Variants in UBXN1 observed in about 807,000 individuals in gnomAD.
UBXN1 encodes UBX domain protein 1.
In UBXN1, 21 loss-of-function variants were observed where a neutral mutation model predicts 42.0. The ratio of observed to expected loss-of-function variants is 0.50; its 90% CI spans 0.35 to 0.72. The LOEUF is 0.72. UBXN1 is among the 30% of genes least tolerant of loss of function. The pLI is 0.00. For synonymous variants in UBXN1, 172 were observed against 142.6 expected, an observed-to-expected ratio of 1.21 and a Z score of -1.47; for missense variants, 374 against 382.2, an observed-to-expected ratio of 0.98 and a Z score of 0.18.
chr11:62,678,860 CT>C lies in UBXN1; in HGVS notation c.59+4del. ...CCGCAGGCCGGGGTTGGGGAACTCC[CT>C]TACGCGCGTCCCCTGGGGAAGCCCA... On this transcript the variant is annotated splice_donor_region_variant and intron_variant, in intron 1 of 8. Transcript: ENST00000301935. 6.2e-7 allele frequency: 1 copy of C among 1,606,256 alleles called. No individual in the cohort carries two copies. The highest frequency in any genetic ancestry group is 8.5e-7 in the Non-Finnish European group (1 of 1,177,856).
rs1039544179 is a variant in UBXN1 at position 62,677,917 on chromosome 11, C to T, written c.482+10G>A. 3.7e-6 allele frequency: 6 copies of T among 1,613,848 alleles called. No homozygotes were observed. The Admixed American group carries it at 1.0e-4, about 27-fold the overall frequency. On this transcript the variant is annotated intron_variant, in intron 5 of 8. Transcript: ENST00000301935. The stretch of plus-strand genomic sequence containing the variant: ...TCTCATCTGCTATCCATCATTTCCC[C>T]TGCCCAGACCTGGCTGCTAACTCCT...
intron 4 of UBXN1, 88 bp downstream of exon 4, chr11:62,678,251 T>G (rs768930944): frequency 1.2e-4 from 185 of 1,605,088 alleles, no homozygotes; most frequent in Non-Finnish European, 1.5e-4. Context: ...AAAGAGGAAA[T>G]GTGGAAAGGT....
At position 62,676,800 on chromosome 11, in the gene UBXN1, C is replaced by A; in HGVS notation, c.844+13G>T. On this transcript the variant is annotated intron_variant, in intron 8 of 8. Coordinates refer to ENST00000301935, the MANE Select transcript of UBXN1 (RefSeq NM_001286077.2). Reference sequence around the variant, plus strand: ...CCAGTTTCTAGTCCTGGTTTCTAGTCTTGCAGCCATACCCAGCTCCTGCAG... The same window carrying A: ...CCAGTTTCTAGTCCTGGTTTCTAGTATTGCAGCCATACCCAGCTCCTGCAG... 6.2e-7 allele frequency: 1 copy of A among 1,614,186 alleles called. No homozygotes were observed. Among genetic ancestry groups the A allele is most frequent in the Non-Finnish European group, 8.5e-7 (1 of 1,180,032 alleles).
At position 62,677,562 on chromosome 11, in the gene UBXN1, G is replaced by T. The variant is rs772638165; in HGVS notation, c.607C>A (p.Gln203Lys). 5 of 1,614,172 alleles carry T rather than the reference G, an allele frequency of 3.1e-6. No homozygotes were observed. The highest frequency in any genetic ancestry group is 1.7e-5 in the Admixed American group (1 of 60,008). The change falls in exon 7 of 9, where the codon CAG (glutamine) becomes AAG (lysine). Residue 203 changes from glutamine to lysine, a missense_variant. Coordinates refer to ENST00000301935, the MANE Select transcript of UBXN1 (RefSeq NM_001286077.2). ...EPGPVPSSPS[Q>K]EPPTKREYDQ... Reference sequence around the variant, plus strand: ...TACTCCCGCTTGGTGGGAGGCTCCTGGCTGGGAGAAGAGGGAACAGGACCT... The same window carrying T: ...TACTCCCGCTTGGTGGGAGGCTCCTTGCTGGGAGAAGAGGGAACAGGACCT...
chr11:62,678,383 G>T lies in UBXN1; in HGVS notation c.246C>A (p.Gly82=), dbSNP rs1299089055. 1 of 1,614,130 alleles carries T rather than the reference G, an allele frequency of 6.2e-7. No individual in the cohort carries two copies. Among genetic ancestry groups the T allele is most frequent in the Admixed American group, 1.7e-5 (1 of 60,006 alleles). ...TTTCCTCTTCACTCAAAGCGGGTTT[G>T]CCTTCTCCGGCAGCAGAACCAGATC... is the stretch of plus-strand genomic sequence containing the variant. ...LEGSGSAAGE[G]KPALSEEERQ... The change falls in exon 4 of 9, where the codon GGC becomes GGA. Residue 82 remains glycine (G), a synonymous_variant. Coordinates refer to ENST00000301935, the MANE Select transcript of UBXN1 (RefSeq NM_001286077.2).
At chr11:62,677,325 G>T in intron 7 of UBXN1, 193 bp downstream of exon 7, 1 of 661,964 alleles carries the variant, frequency 1.5e-6, no homozygotes, top group Non-Finnish European at 2.6e-6. Context: ...TAAGAGAGAG[G>T]TATGGGTTTA....
chr11:62,678,829 C>G, intron 1 of UBXN1, 36 bp downstream of exon 1: 1 of 1,609,180 alleles, frequency 6.2e-7, no homozygotes, highest in Non-Finnish European at 8.5e-7. Context: ...CCGCGACCCC[C>G]CACACCCGCA....
intron 4 of UBXN1, 86 bp downstream of exon 4, chr11:62,678,253 T>A (rs925694985): frequency 2.5e-6 from 4 of 1,606,124 alleles, no homozygotes; most frequent in Non-Finnish European, 3.4e-6. Flanking sequence ...AGAGGAAATG[T>A]GGAAAGGTCA....
Position 62,678,305 on chromosome 11 carries a change from G to C in UBXN1, c.290+34C>G, listed in dbSNP as rs749384873. 3.7e-6 allele frequency: 6 copies of C among 1,613,562 alleles called. No individual in the cohort carries two copies. In the African/African-American group the frequency reaches 8.0e-5, roughly 21 times the overall value. ...CGTGTACTGGGGAGAGATGGAAGAC[G>C]ACCCTCAGACACGTGAGATTGTTGT... On this transcript the variant is annotated intron_variant, in intron 4 of 8. Coordinates refer to ENST00000301935, the MANE Select transcript of UBXN1 (RefSeq NM_001286077.2).
chr11:62,677,396 A>G (rs1945037370), intron 7 of UBXN1, 122 bp downstream of exon 7: 1 of 1,003,072 alleles, frequency 1.0e-6, no homozygotes, highest in Non-Finnish European at 1.5e-6. Context: ...GGATTTCAAA[A>G]GTCATTTACA....
At position 62,678,757 on chromosome 11, in the gene UBXN1, C is replaced by A; in HGVS notation, c.60-14G>T. The A allele has an allele frequency of 3.1e-6, 5 of 1,611,898 alleles. No homozygotes were observed. The highest frequency in any genetic ancestry group is 4.2e-6 in the Non-Finnish European group (5 of 1,179,192). The stretch of plus-strand genomic sequence containing the variant: ...AGAGCCTTCTCCCTGGGGGCAGAAA[C>A]ACCATGAATAGCGCCCACGAGCCAT... On this transcript the variant is annotated splice_polypyrimidine_tract_variant and intron_variant, in intron 1 of 8. Coordinates refer to ENST00000301935, the MANE Select transcript of UBXN1 (RefSeq NM_001286077.2).
chr11:62,678,446 T>G lies in UBXN1; in HGVS notation c.221-38A>C. 9 of 1,614,022 alleles carry G rather than the reference T, an allele frequency of 5.6e-6. 1 individual carries two copies. In the Middle Eastern group the frequency reaches 8.3e-4, roughly 148 times the overall value. ...AATCGGTATTATTATCCCTTCAGATTCTCCTCGGACCCTCCTGAATAATCA... is the reference window on the plus strand; with the variant it reads ...AATCGGTATTATTATCCCTTCAGATGCTCCTCGGACCCTCCTGAATAATCA... On this transcript the variant is annotated intron_variant, in intron 3 of 8. Coordinates refer to ENST00000301935, the MANE Select transcript of UBXN1 (RefSeq NM_001286077.2).
intron 5 of UBXN1, 36 bp from the exon 6 acceptor site, chr11:62,677,868 C>G (rs1945052914): frequency 2.5e-6 from 4 of 1,614,062 alleles, no homozygotes; most frequent in Non-Finnish European, 3.4e-6. Context: ...GGTCAGACAT[C>G]AACAAAGCAA....
In UBXN1 at chr11:62,676,590, T is replaced by G. The variant is rs1384834474; in HGVS notation, c.894A>C (p.Ter298CysextTer18). ...CAGAGGGACAATGGGACAAAGGCCC[T>G]CAGCTGGGACATTTCTTGGCCACAA... ...VLIVAKKCPS[*>C] The change falls in exon 9 of 9, where the codon TGA becomes TGC. Residue 298 changes from the stop codon to cysteine (C), a stop_lost. Transcript: ENST00000301935. The G allele has an allele frequency of 1.2e-6, 2 of 1,602,752 alleles. No homozygotes were observed. Among genetic ancestry groups the G allele is most frequent in the Non-Finnish European group, 1.7e-6 (2 of 1,176,100 alleles).
rs1234986446 is a variant in UBXN1 at position 62,678,582 on chromosome 11, C to G, written c.133G>C (p.Asp45His). Residue 45 changes from aspartate (D) to histidine (H), a missense_variant, in exon 3 of 9, where the codon GAC (aspartate) becomes CAC (histidine). By Grantham distance (81) the Asp-to-His change is moderately conservative (BLOSUM62 -1). Coordinates refer to ENST00000301935, the MANE Select transcript of UBXN1 (RefSeq NM_001286077.2). ...TCTAAAGGCTCGTCCACATCGGGGT[C>G]GTCTTCGTGCTCCATCAGCCTGGCA... ...AMDWLMEHED[D>H]PDVDEPLETP... is the part of the protein sequence containing the mutation. The G allele has an allele frequency of 1.9e-6, 3 of 1,611,272 alleles. No individual in the cohort carries two copies. The South Asian group carries it at 3.3e-5, about 18-fold the overall frequency.
At position 62,678,407 on chromosome 11, in the gene UBXN1, T is replaced by A. The variant is rs771286702; in HGVS notation, c.222A>T (p.Gly74=). The A allele has an allele frequency of 5.0e-6, 8 of 1,614,094 alleles. No homozygotes were observed. Among genetic ancestry groups the A allele is most frequent in the Middle Eastern group, 1.7e-4 (1 of 6,058 alleles). ...TGCCTTCTCCGGCAGCAGAACCAGATCCTACAAACAAACAATCGGTATTAT... is the reference window on the plus strand; with the variant it reads ...TGCCTTCTCCGGCAGCAGAACCAGAACCTACAAACAAACAATCGGTATTAT... The part of the protein sequence containing the change: ...PTSSEQGGLE[G]SGSAAGEGKP... Residue 74 remains glycine, a splice_region_variant and synonymous_variant, in exon 4 of 9, where the codon GGA becomes GGT. Transcript: ENST00000301935.
At chr11:62,677,350 A>C in intron 7 of UBXN1, 168 bp downstream of exon 7, 1 of 724,990 alleles carries the variant, frequency 1.4e-6, no homozygotes, top group East Asian at 2.5e-5. Context: ...CAACTGGGGC[A>C]GGTGAAATTT....
In UBXN1 at chr11:62,679,031, T is replaced by C; in HGVS notation, c.-108A>G. ...TCGACACCCGCCGACGGGCGCTCGCTCTCTCACCCGGCTCTATAGCAGCCG... is the reference window on the plus strand; with the variant it reads ...TCGACACCCGCCGACGGGCGCTCGCCCTCTCACCCGGCTCTATAGCAGCCG... On this transcript the variant is annotated 5_prime_UTR_variant, in exon 1 of 9. Coordinates refer to ENST00000301935, the MANE Select transcript of UBXN1 (RefSeq NM_001286077.2). The C allele has an allele frequency of 8.0e-7, 1 of 1,244,910 alleles. No homozygotes were observed. Among genetic ancestry groups the C allele is most frequent in the Non-Finnish European group, 1.1e-6 (1 of 903,168 alleles). The allele number at this position is 1,244,910 out of a possible 1,614,324, so 77.1% of individuals were successfully genotyped here. A position where few individuals can be genotyped will look rare whatever the true frequency, so the allele number is the denominator to read the frequency against.
rs989347331 is a variant in UBXN1 at position 62,678,799 on chromosome 11, G to A, written c.60-56C>T. 25 of 1,611,758 alleles carry A rather than the reference G, an allele frequency of 1.6e-5. No homozygotes were observed. The African/African-American group carries it at 3.2e-4, about 21-fold the overall frequency. On this transcript the variant is annotated intron_variant, in intron 1 of 8. Transcript: ENST00000301935. ...ACGAGCCATGGTGACGGTCAGGCTG[G>A]GGCAAAGGCCGAGACAGGTCCGCGA... is the stretch of plus-strand genomic sequence containing the variant.
Sources: gnomAD v4.1 joint callset for allele counts on GRCh38, gnomAD v4.1.1 for gene constraint, MANE v1.5 for transcripts, NCBI Gene and HGNC (gene_info 2026-07-23, HGNC 2026-07-21) for gene names.